The following PINX1 variants were observed in gnomAD, a reference collection of about 807,000 sequenced individuals.
PINX1 encodes the protein PIN2 (TERF1) interacting telomerase inhibitor 1.
Under a neutral mutation model 25.4 loss-of-function variants are expected in PINX1, and 34 were observed. That is an observed-to-expected ratio of 1.34 (90% CI 1.02 to 1.78). PINX1 has a LOEUF of 1.78. Ranked by LOEUF, PINX1 falls within the 40% of genes most tolerant of loss-of-function variation. The pLI is 0.00. For synonymous variants in PINX1, 197 were observed against 147.7 expected, an observed-to-expected ratio of 1.33 and a Z score of -2.42; for missense variants, 592 against 404.9, an observed-to-expected ratio of 1.46 and a Z score of -3.97.
At chr8:10,792,802 T>G (rs937404453) in intron 6 of PINX1, among the ~76,000 whole-genome samples, 1 of 152,350 alleles carries the variant, frequency 6.6e-6, no homozygotes, top group East Asian at 1.9e-4. Context: ...GTATTCCTCA[T>G]GGCATAGCTG....
intron 6 of PINX1, among the ~76,000 whole-genome samples, chr8:10,805,062 C>A (rs1165767024): frequency 6.6e-6 from 1 of 152,168 alleles, no homozygotes; most frequent in Non-Finnish European, 1.5e-5. Context: ...TTCCACTAAT[C>A]TTTCCCAATA....
At chr8:10,791,221 CCT>C (rs1316130346) in intron 6 of PINX1, among the ~76,000 whole-genome samples, 2 of 152,298 alleles carry the variant, frequency 1.3e-5, no homozygotes, top group East Asian at 1.9e-4. Flanking sequence ...CAAAATCCCC[CCT>C]TTTTAGATCC....
At chr8:10,836,605 C>T (rs956665527) in intron 1 of PINX1, among the ~76,000 whole-genome samples, 1 of 144,840 alleles carries the variant, frequency 6.9e-6, no homozygotes, top group Non-Finnish European at 1.5e-5. Flanking sequence ...ATTAGCTATT[C>T]AAGGTCAATT....
At chr8:10,780,137 C>A (rs1255716172) in intron 6 of PINX1, among the ~76,000 whole-genome samples, 1 of 152,204 alleles carries the variant, frequency 6.6e-6, no homozygotes, top group Non-Finnish European at 1.5e-5. Context: ...GGGTTTTCTA[C>A]ATATAGGATC....
intron 6 of PINX1, among the ~76,000 whole-genome samples, chr8:10,810,665 C>G (rs1354347056): frequency 6.6e-6 from 1 of 152,190 alleles, no homozygotes; most frequent in Non-Finnish European, 1.5e-5. Context: ...AGGGAACTAC[C>G]GAGCATGTCA....
chr8:10,796,382 C>CTCTACTTGCGGTAGA (rs1802085448), intron 6 of PINX1, among the ~76,000 whole-genome samples: 1 of 152,054 alleles, frequency 6.6e-6, no homozygotes, highest in African/African-American at 2.4e-5. Flanking sequence ...CGCAAGAATC[C>CTCTACTTGCGGTAGA]GATGAGTTCC....
intron 6 of PINX1, among the ~76,000 whole-genome samples, chr8:10,803,387 T>A (rs1802331764): frequency 6.6e-6 from 1 of 152,212 alleles, no homozygotes; most frequent in Non-Finnish European, 1.5e-5. Context: ...CTCATGGACG[T>A]CTTTTTATGG....
chr8:10,827,530 G>C (rs1365221203), intron 4 of PINX1, among the ~76,000 whole-genome samples: 1 of 152,068 alleles, frequency 6.6e-6, no homozygotes, highest in Admixed American at 6.5e-5. Flanking sequence ...AGACAGAAGA[G>C]TGCCACAGAA....
chr8:10,820,624 G>C lies in PINX1; in HGVS notation c.395-355C>G, dbSNP rs552365721. The stretch of plus-strand genomic sequence containing the variant: ...TCTCTGGGTTCTTCATTTAAAAATA[G>C]ATCTCATTTGCTTCAGAGACATGAG... On this transcript the variant is annotated intron_variant, in intron 5 of 6. Coordinates refer to ENST00000314787, the MANE Select transcript of PINX1 (RefSeq NM_017884.6). Among the ~76,000 whole-genome samples the C allele has an allele frequency of 2.9e-3, 434 of 152,138 alleles. 16 individuals are homozygous for C. Among genetic ancestry groups the C allele is most frequent in the Admixed American group, 0.028 (422 of 15,290 alleles).
chr8:10,771,370 C>T (rs1801217268), intron 6 of PINX1: 1 of 152,246 alleles, frequency 6.6e-6, no homozygotes, highest in Non-Finnish European at 1.5e-5. Context: ...CCGTGCATCA[C>T]TTTCTTGAAG....
rs796364882 is a variant in PINX1, at chr8:10,804,699, G to A, written c.471+15494C>T. Among the ~76,000 whole-genome samples the A allele has an allele frequency of 8.6e-5, 13 of 151,256 alleles. 1 individual carries two copies. Among genetic ancestry groups the A allele is most frequent in the African/African-American group, 2.9e-4 (12 of 41,216 alleles). Reference sequence around the variant, plus strand: ...ATCGGAAGGAATGAAAAAGCAAGATGAATGCTGGAGGATTAAAAATACAAA... The same window carrying A: ...ATCGGAAGGAATGAAAAAGCAAGATAAATGCTGGAGGATTAAAAATACAAA... On this transcript the variant is annotated intron_variant, in intron 6 of 6. Transcript: ENST00000314787.
intron 6 of PINX1, among the ~76,000 whole-genome samples, chr8:10,780,039 A>G (rs987245268): frequency 1.3e-5 from 2 of 152,220 alleles, no homozygotes; most frequent in Non-Finnish European, 2.9e-5. Context: ...ATCTGTGTAT[A>G]GAGATACCAG....
chr8:10,806,467 A>C (rs1163195180), intron 6 of PINX1, among the ~76,000 whole-genome samples: 1 of 152,198 alleles, frequency 6.6e-6, no homozygotes, highest in Non-Finnish European at 1.5e-5. Context: ...TGAAAAATGC[A>C]ACCATTCCCA....
At chr8:10,768,990 A>T (rs1801143460) in intron 6 of PINX1, among the ~76,000 whole-genome samples, 1 of 152,194 alleles carries the variant, frequency 6.6e-6, no homozygotes. Flanking sequence ...ACACCTCAAA[A>T]AATAAAATAA....
chr8:10,824,105 T>C (rs1489203854), intron 5 of PINX1, among the ~76,000 whole-genome samples: 1 of 152,172 alleles, frequency 6.6e-6, no homozygotes, highest in Non-Finnish European at 1.5e-5. Flanking sequence ...TTCCATGAAA[T>C]GGGTCATTTC....
At chr8:10,794,823 C>T (rs6601526) in intron 6 of PINX1, among the ~76,000 whole-genome samples, 1 of 152,228 alleles carries the variant, frequency 6.6e-6, no homozygotes, top group Non-Finnish European at 1.5e-5. Flanking sequence ...TTTTAAGATT[C>T]CATTTTGTTT....
At chr8:10,774,794 T>A (rs752188423) in intron 6 of PINX1, among the ~76,000 whole-genome samples, 1 of 152,192 alleles carries the variant, frequency 6.6e-6, no homozygotes, top group African/African-American at 2.4e-5. Context: ...CAGAAATCAA[T>A]GTAGCAAATA....
At chr8:10,810,304 T>C (rs1413043544) in intron 6 of PINX1, among the ~76,000 whole-genome samples, 1 of 152,220 alleles carries the variant, frequency 6.6e-6, no homozygotes, top group Non-Finnish European at 1.5e-5. Context: ...ACATTGCTAG[T>C]TATATTCCTG....
At chr8:10,826,955 T>C (rs1798071067) in intron 4 of PINX1, among the ~76,000 whole-genome samples, 1 of 152,098 alleles carries the variant, frequency 6.6e-6, no homozygotes, top group South Asian at 2.1e-4. Context: ...TGTGATAAAA[T>C]TGCACAGAAC....
Sources: gnomAD v4.1 joint callset for allele counts (sites outside exome capture counted in the v4.1 genomes callset) on GRCh38, gnomAD v4.1.1 for gene constraint, MANE v1.5 for transcripts, NCBI Gene and HGNC (gene_info 2026-07-23, HGNC 2026-07-21) for gene names.